BBS9: variants seen among roughly 807,000 people sequenced by gnomAD.
The protein encoded by BBS9 is Bardet-Biedl syndrome 9, also known as protein PTHB1.
Under a neutral mutation model 117.7 loss-of-function variants are expected in BBS9, and 89 were observed. The observed-to-expected ratio is 0.76, with a 90% CI of 0.64 to 0.90. BBS9 has a LOEUF of 0.90. Among genes scored for constraint, BBS9 ranks in the 40% least tolerant of loss-of-function variants. The probability of loss-of-function intolerance (pLI) is 0.00; values close to 1 mark genes in which losing one functional copy is unlikely to be tolerated. For synonymous variants in BBS9, 379 were observed against 370.9 expected (o/e 1.02, Z -0.25); for missense variants, 982 against 1,042.2 (o/e 0.94, Z 0.80).
intron 5 of BBS9, among the ~76,000 whole-genome samples, chr7:33,236,704 A>G (rs1406615707): frequency 6.6e-6 from 1 of 152,116 alleles, no homozygotes. Context: ...TGATCTATGT[A>G]TACATTGTAG....
intron 5 of BBS9, among the ~76,000 whole-genome samples, chr7:33,239,679 A>G (rs1355860398): frequency 6.6e-6 from 1 of 152,142 alleles, no homozygotes; most frequent in Non-Finnish European, 1.5e-5. Flanking sequence ...TTCCTATACT[A>G]ACATTCTAAA....
intron 20 of BBS9, among the ~76,000 whole-genome samples, chr7:33,531,170 G>T (rs932959357): frequency 1.3e-5 from 2 of 152,208 alleles, no homozygotes; most frequent in African/African-American, 4.8e-5. Context: ...ACTTGAACCT[G>T]GGAGGAGGAA....
chr7:33,492,977 T>C (rs79415244), intron 19 of BBS9, among the ~76,000 whole-genome samples: 1,968 of 151,326 alleles, frequency 0.013, 47 homozygotes, highest in African/African-American at 0.045. Context: ...ACCCCTCTGC[T>C]CTTAGTCTTC....
intron 19 of BBS9, among the ~76,000 whole-genome samples, chr7:33,402,829 C>A (rs1192255030): frequency 6.6e-6 from 1 of 152,006 alleles, no homozygotes; most frequent in African/African-American, 2.4e-5. Context: ...GGTAGTTTTT[C>A]AACTCTTACC....
In BBS9 at chr7:33,604,967, C is replaced by T. The variant is rs1333531416; in HGVS notation, c.2624C>T (p.Pro875Leu). The change falls in exon 22 of 23, where the codon CCC (proline) becomes CTC (leucine). Residue 875 changes from proline (P) to leucine (L), a missense_variant. Coordinates refer to ENST00000242067, the MANE Select transcript of BBS9 (RefSeq NM_198428.3). ...CACAGACATCTCACTGCAGAGACAC[C>T]CAGGCCTGGTAAGAGACTGGATGGC... ...TNHRHLTAET[P>L]RPEVSPLQGV... 6.2e-7 allele frequency: 1 copy of T among 1,608,280 alleles called. No homozygotes were observed. The highest frequency in any genetic ancestry group is 8.5e-7 in the Non-Finnish European group (1 of 1,174,870).
intron 21 of BBS9, among the ~76,000 whole-genome samples, chr7:33,562,743 G>A (rs1856274805): frequency 1.3e-5 from 2 of 152,124 alleles, no homozygotes; most frequent in Non-Finnish European, 2.9e-5. Flanking sequence ...GGCCAACATG[G>A]TGAAACCCCG....
rs1279412902 is a variant in BBS9 at position 33,599,254 on chromosome 7, C to T, written c.2522-5611C>T. On this transcript the variant is annotated intron_variant, in intron 21 of 22. Coordinates refer to ENST00000242067, the MANE Select transcript of BBS9 (RefSeq NM_198428.3). ...TAGATTAGCCAACTCCCTAGGTGGC[C>T]ATCTGGTTAAGGTTTTCAGGCACTT... is the stretch of plus-strand genomic sequence containing the variant. 5.9e-5 allele frequency among the ~76,000 whole-genome samples: 9 copies of T among 152,208 alleles called. No individual in the cohort carries two copies. The South Asian group carries it at 1.0e-3, about 18-fold the overall frequency.
chr7:33,417,429 A>C (rs1832186196), intron 19 of BBS9, among the ~76,000 whole-genome samples: 1 of 152,238 alleles, frequency 6.6e-6, no homozygotes, highest in Non-Finnish European at 1.5e-5. Flanking sequence ...GGGGCATTGC[A>C]ACTGACCTTA....
chr7:33,632,703 G>A (rs1375531474), intron 21 of BBS9, among the ~76,000 whole-genome samples: 2 of 150,874 alleles, frequency 1.3e-5, no homozygotes, highest in Non-Finnish European at 3.0e-5. Flanking sequence ...GCCAGTCTCC[G>A]CAGTAAAGGA....
chr7:33,560,318 T>C (rs1417639461), intron 21 of BBS9, among the ~76,000 whole-genome samples: 1 of 151,762 alleles, frequency 6.6e-6, no homozygotes, highest in Non-Finnish European at 1.5e-5. Flanking sequence ...AGGAACAAGA[T>C]AACCAAACTT....
intron 19 of BBS9, among the ~76,000 whole-genome samples, chr7:33,466,065 GAT>G (rs144159866): frequency 1.0e-4 from 15 of 150,402 alleles, no homozygotes; most frequent in African/African-American, 1.5e-4. Context: ...TTGAGAGAGA[GAT>G]ATATATATAT....
chr7:33,490,961 G>A (rs1997406), intron 19 of BBS9, among the ~76,000 whole-genome samples: 5,433 of 152,212 alleles, frequency 0.036, 321 homozygotes, highest in African/African-American at 0.12. Context: ...TGGACAGTCA[G>A]CATCTTAAAC....
chr7:33,207,642 A>C (rs1471251854), intron 5 of BBS9, among the ~76,000 whole-genome samples: 1 of 152,012 alleles, frequency 6.6e-6, no homozygotes, highest in African/African-American at 2.4e-5. Flanking sequence ...ATTAGAGACC[A>C]AGATATAGAT....
At chr7:33,528,184 T>G (rs1211637944) in intron 20 of BBS9, among the ~76,000 whole-genome samples, 1 of 152,194 alleles carries the variant, frequency 6.6e-6, no homozygotes, top group East Asian at 1.9e-4. Context: ...AGTTTGTTAT[T>G]AAGATAAATG....
At chr7:33,194,977 C>A (rs1784713288) in intron 5 of BBS9, among the ~76,000 whole-genome samples, 1 of 152,178 alleles carries the variant, frequency 6.6e-6, no homozygotes, top group African/African-American at 2.4e-5. Context: ...AGAGGTGTTT[C>A]TCCAGACACA....
chr7:33,329,052 C>T (rs1813435664), intron 9 of BBS9, among the ~76,000 whole-genome samples: 1 of 146,388 alleles, frequency 6.8e-6, no homozygotes, highest in South Asian at 2.2e-4. Context: ...CGGAGTTTCG[C>T]TCTTGTGTCC....
At chr7:33,525,836 C>T (rs1477894649) in intron 20 of BBS9, among the ~76,000 whole-genome samples, 1 of 147,462 alleles carries the variant, frequency 6.8e-6, no homozygotes, top group African/African-American at 2.5e-5. Flanking sequence ...GCAGTTTCTT[C>T]CTAGTCTCGA....
intron 5 of BBS9, among the ~76,000 whole-genome samples, chr7:33,246,299 T>C (rs1320451831): frequency 2.0e-5 from 3 of 151,822 alleles, no homozygotes; most frequent in Non-Finnish European, 4.4e-5. Flanking sequence ...TTTAGTTGTT[T>C]TTTTTTTTTT....
At chr7:33,415,570 G>GT (rs1474992692) in intron 19 of BBS9, among the ~76,000 whole-genome samples, 1 of 152,170 alleles carries the variant, frequency 6.6e-6, no homozygotes, top group African/African-American at 2.4e-5. Context: ...TGGCAAATAT[G>GT]TTTTTTAATA....
Sources: allele counts gnomAD v4.1 joint callset (sites outside exome capture counted in the v4.1 genomes callset), GRCh38; gene constraint gnomAD v4.1.1; transcripts MANE v1.5; gene names NCBI Gene and HGNC (gene_info 2026-07-23, HGNC 2026-07-21).